USH2A: variants seen among roughly 807,000 people sequenced by gnomAD.
USH2A encodes the protein Usher syndrome 2A (autosomal recessive, mild).
A neutral mutation model predicts 538.9 loss-of-function variants in USH2A; 443 were observed. That is an observed-to-expected ratio of 0.82 (90% CI 0.76 to 0.89). USH2A has a LOEUF of 0.89. USH2A is among the 40% of genes least tolerant of loss of function. The probability of loss-of-function intolerance (pLI) is 0.00; values close to 1 mark genes in which losing one functional copy is unlikely to be tolerated. For synonymous variants in USH2A, 2,413 were observed against 2,273.5 expected (o/e 1.06, Z -1.75); for missense variants, 6,633 against 6,324.8 (o/e 1.05, Z -1.65).
At chr1:216,003,670 A>G (rs1668325594) in intron 32 of USH2A, among the ~76,000 whole-genome samples, 1 of 152,058 alleles carries the variant, frequency 6.6e-6, no homozygotes, top group Non-Finnish European at 1.5e-5. Context: ...GGAAGAAGTA[A>G]GTTAGAGATG....
intron 37 of USH2A, among the ~76,000 whole-genome samples, chr1:215,948,897 C>T (rs1472490643): frequency 1.3e-5 from 2 of 151,956 alleles, no homozygotes; most frequent in African/African-American, 2.4e-5. Flanking sequence ...TTTAAAGAAA[C>T]CATAATGTAC....
intron 47 of USH2A, among the ~76,000 whole-genome samples, chr1:215,837,150 T>C (rs932171746): frequency 1.9e-4 from 29 of 152,184 alleles, no homozygotes; most frequent in Admixed American, 1.2e-3. Flanking sequence ...CCAAAACCAG[T>C]ACTAATTTTT....
chr1:215,726,082 C>T (rs1251901354), intron 61 of USH2A, among the ~76,000 whole-genome samples: 1 of 152,036 alleles, frequency 6.6e-6, no homozygotes, highest in African/African-American at 2.4e-5. Flanking sequence ...ATCCTGATGC[C>T]TTCAATAAAA....
At chr1:216,414,348 A>C (rs931353922) in intron 3 of USH2A, among the ~76,000 whole-genome samples, 5 of 152,134 alleles carry the variant, frequency 3.3e-5, no homozygotes, top group African/African-American at 1.2e-4. Flanking sequence ...TTTCCAACAG[A>C]TTGACACTTT....
chr1:216,372,594 T>C (rs945700993), intron 3 of USH2A, among the ~76,000 whole-genome samples: 1 of 152,248 alleles, frequency 6.6e-6, no homozygotes, highest in East Asian at 1.9e-4. Flanking sequence ...CTATCTTGAC[T>C]GGATGTGAAA....
At chr1:216,182,837 C>A (rs1292635974) in intron 20 of USH2A, among the ~76,000 whole-genome samples, 2 of 152,038 alleles carry the variant, frequency 1.3e-5, no homozygotes, top group East Asian at 3.9e-4. Context: ...TGCCAGATCC[C>A]AGTTCCAATA....
intron 61 of USH2A, among the ~76,000 whole-genome samples, chr1:215,687,450 CATTTTCTTTAT>C (rs1318870146): frequency 7.9e-5 from 12 of 151,826 alleles, no homozygotes; most frequent in Admixed American, 5.9e-4. Flanking sequence ...AATTCACAGA[CATTTTCTTTAT>C]AGACAAATTG....
intron 61 of USH2A, among the ~76,000 whole-genome samples, chr1:215,695,073 C>CT (rs1455148232): frequency 6.6e-6 from 1 of 152,180 alleles, no homozygotes; most frequent in Non-Finnish European, 1.5e-5. Context: ...ATTTATTTTA[C>CT]TTTTTTCGCA....
At chr1:215,757,598 T>G (rs1187341599) in intron 58 of USH2A, among the ~76,000 whole-genome samples, 2 of 152,216 alleles carry the variant, frequency 1.3e-5, no homozygotes, top group African/African-American at 2.4e-5. Flanking sequence ...TGAAGTGTTT[T>G]TAACATCTTA....
rs570728252 is a variant in USH2A, at chr1:215,896,074, G to A, written c.7594+4001C>T. On this transcript the variant is annotated intron_variant, in intron 40 of 71. Coordinates refer to ENST00000307340, the MANE Select transcript of USH2A (RefSeq NM_206933.4). Reference sequence around the variant, plus strand: ...CTGAAATGTTGTGCAGCATATAACTGTACTTAAAATATCACTGTGTCATCA... The same window carrying A: ...CTGAAATGTTGTGCAGCATATAACTATACTTAAAATATCACTGTGTCATCA... Among the ~76,000 whole-genome samples the A allele has an allele frequency of 1.8e-4, 27 of 152,270 alleles. No individual in the cohort carries two copies. The South Asian group carries it at 2.5e-3, about 14-fold the overall frequency.
intron 9 of USH2A, among the ~76,000 whole-genome samples, chr1:216,295,996 A>G (rs1405247411): frequency 6.6e-6 from 1 of 151,992 alleles, no homozygotes; most frequent in East Asian, 1.9e-4. Flanking sequence ...CACTAGTTCA[A>G]TTTCTTCCTT....
At chr1:216,369,216 A>T (rs1410258430) in intron 3 of USH2A, among the ~76,000 whole-genome samples, 3 of 152,210 alleles carry the variant, frequency 2.0e-5, no homozygotes, top group African/African-American at 7.2e-5. Flanking sequence ...TCCATCCATA[A>T]TTTTTAAGCT....
chr1:215,648,681 C>A lies in USH2A; in HGVS notation c.14429G>T (p.Cys4810Phe). ...NYSIGVEACT[C>F]FNCCSKGPTA... is the part of the protein sequence containing the mutation. ...CGGTCCTTTGCTGCAACAGTTGAAG[C>A]AGGTGCAGGCCTCTACTCCAATAGA... Residue 4810 changes from cysteine to phenylalanine, a missense_variant, in exon 66 of 72, where the codon TGC becomes TTC. By Grantham distance (205) the Cys-to-Phe change is radical. Transcript: ENST00000307340. 6.2e-7 allele frequency: 1 copy of A among 1,614,210 alleles called. No individual in the cohort carries two copies. Among genetic ancestry groups the A allele is most frequent in the Non-Finnish European group, 8.5e-7 (1 of 1,180,042 alleles).
intron 23 of USH2A, 150 bp downstream of exon 23, chr1:216,088,863 A>G (rs544875984): frequency 5.1e-6 from 6 of 1,179,654 alleles, no homozygotes; most frequent in Non-Finnish European, 7.1e-6. Context: ...TCATCCTTTT[A>G]GGAGCATCCC....
At chr1:216,271,144 T>C (rs889229636) in intron 11 of USH2A, among the ~76,000 whole-genome samples, 2 of 152,072 alleles carry the variant, frequency 1.3e-5, no homozygotes, top group Admixed American at 1.3e-4. Context: ...AAATATTCAA[T>C]AGCTCCCTAT....
chr1:215,632,999 A>G (rs1005608595), intron 70 of USH2A, among the ~76,000 whole-genome samples: 21 of 152,192 alleles, frequency 1.4e-4, no homozygotes, highest in Non-Finnish European at 2.8e-4. Flanking sequence ...GAGGCCCACA[A>G]GATCATTGAT....
At chr1:216,048,420 G>T in intron 31 of USH2A, 114 bp downstream of exon 31, 2 of 1,066,398 alleles carry the variant, frequency 1.9e-6, no homozygotes, top group Non-Finnish European at 1.5e-6. Context: ...AATGCACTTT[G>T]TCATCAAATT....
intron 32 of USH2A, among the ~76,000 whole-genome samples, chr1:216,034,139 G>A (rs1195035718): frequency 1.3e-5 from 2 of 152,116 alleles, no homozygotes; most frequent in African/African-American, 4.8e-5. Flanking sequence ...TGTGTGGAAT[G>A]TTTCAAGAGG....
chr1:216,073,116 A>AC lies in USH2A; in HGVS notation c.5756dup (p.Gly1920TrpfsTer17). 6.2e-7 allele frequency: 1 copy of AC among 1,613,848 alleles called. No individual in the cohort carries two copies. Among genetic ancestry groups the AC allele is most frequent in the Non-Finnish European group, 8.5e-7 (1 of 1,179,926 alleles). Reference sequence around the variant, plus strand: ...CATTACCTGTAAAAGGCTGGAGACCACCCTCGTAAACACTCTGCTCTTTTC... The same window carrying AC: ...CATTACCTGTAAAAGGCTGGAGACCACCCCTCGTAAACACTCTGCTCTTTTC... On this transcript the variant is annotated frameshift_variant, in exon 28 of 72. Coordinates refer to ENST00000307340, the MANE Select transcript of USH2A (RefSeq NM_206933.4). LOFTEE classifies it high-confidence loss of function.
Sources: allele counts gnomAD v4.1 joint callset (sites outside exome capture counted in the v4.1 genomes callset), GRCh38; gene constraint gnomAD v4.1.1; transcripts MANE v1.5; gene names NCBI Gene and HGNC (gene_info 2026-07-23, HGNC 2026-07-21).